RFTN1: variants seen among roughly 807,000 people sequenced by gnomAD.
RFTN1 encodes the protein raftlin.
RFTN1 carries 26 observed loss-of-function variants against 46.5 expected under a neutral mutation model. The ratio of observed to expected loss-of-function variants is 0.56; its 90% confidence interval spans 0.41 to 0.78. The LOEUF is 0.78. Ranked by LOEUF, RFTN1 falls within the 30% of genes least tolerant of loss-of-function variation. The pLI, the probability that RFTN1 is intolerant of heterozygous loss-of-function variation, is 0.00. For synonymous variants in RFTN1, 261 were observed against 284.2 expected, an observed-to-expected ratio of 0.92 and a Z score of 0.82; for missense variants, 693 against 718.7, an observed-to-expected ratio of 0.96 and a Z score of 0.41.
intron 6 of RFTN1, among the ~76,000 whole-genome samples, chr3:16,359,032 CA>C (rs771185605): frequency 0.024 from 2,118 of 89,472 alleles, 29 homozygotes; most frequent in African/African-American, 0.082. Context: ...ATTCTGTCTC[CA>C]AAAAAAAAAA....
rs200423398 is a variant in RFTN1, at chr3:16,426,659, T to TTGTG, written c.332+7191_332+7192insCACA. Among the ~76,000 whole-genome samples the TTGTG allele has an allele frequency of 1.6e-3, 104 of 63,660 alleles. 1 individual carries two copies. In the East Asian group the frequency reaches 0.034, roughly 21 times the overall value. The allele number at this position is 63,660 out of a possible 152,430, so 41.8% of individuals were successfully genotyped here. On this transcript the variant is annotated intron_variant, in intron 3 of 9. Coordinates refer to ENST00000334133, the MANE Select transcript of RFTN1 (RefSeq NM_015150.2). The surrounding 1 kb of genome is among the most constrained non-coding windows in gnomAD (Gnocchi z 5.9). ...CACTGTTATTTTGGCAATGAAAGGA[T>TTGTG]CGTGTGTGTGTGTGTGTGTGTGTGT... is the stretch of plus-strand genomic sequence containing the variant.
At chr3:16,333,727 A>G (rs1477571468) in intron 7 of RFTN1, among the ~76,000 whole-genome samples, 3 of 152,012 alleles carry the variant, frequency 2.0e-5, no homozygotes, top group South Asian at 2.1e-4. Context: ...CATATTACAG[A>G]AAAAAAAGGG....
chr3:16,474,771 T>C lies in RFTN1; in HGVS notation c.145+18954A>G, dbSNP rs1180295108. Among the ~76,000 whole-genome samples the C allele has an allele frequency of 6.6e-6, 1 of 152,198 alleles. No homozygotes were observed. Among genetic ancestry groups the C allele is most frequent in the Non-Finnish European group, 1.5e-5 (1 of 68,030 alleles). ...AGCCCAACATTCCCCATGGAGCCAG[T>C]TGGGAGATGACATCTTGACAAGTTG... On this transcript the variant is annotated intron_variant, in intron 2 of 9. Transcript: ENST00000334133. This position sits in a 1 kb window ranked among gnomAD's most constrained non-coding sequence, Gnocchi z 5.5.
In RFTN1 at chr3:16,387,695, A is replaced by G. The variant is rs1030023485; in HGVS notation, c.442-9593T>C. ...AAAAGAGGAAAGAATCCAACCAACA[A>G]TAGAAGTAAGCAAGCCTCGTCCACC... On this transcript the variant is annotated intron_variant, in intron 4 of 9. Coordinates refer to ENST00000334133, the MANE Select transcript of RFTN1 (RefSeq NM_015150.2). This position sits in a 1 kb window ranked among gnomAD's most constrained non-coding sequence, Gnocchi z 5.2. 1.3e-5 allele frequency among the ~76,000 whole-genome samples: 2 copies of G among 151,720 alleles called. No homozygotes were observed. Among genetic ancestry groups the G allele is most frequent in the Non-Finnish European group, 2.9e-5 (2 of 67,942 alleles).
At position 16,327,824 on chromosome 3, in the gene RFTN1, G is replaced by C. The variant is rs867077334; in HGVS notation, c.1147-948C>G. Among the ~76,000 whole-genome samples, 1 of 151,846 alleles carries C rather than the reference G, an allele frequency of 6.6e-6. No homozygotes were observed. The highest frequency in any genetic ancestry group is 2.1e-4 in the South Asian group (1 of 4,818). On this transcript the variant is annotated intron_variant, in intron 7 of 9. Transcript: ENST00000334133. The surrounding 1 kb of genome is among the most constrained non-coding windows in gnomAD (Gnocchi z 4.2). ...GCTAGCACAGGGAGAGAGCCCTGAT[G>C]TGAGGCCCCTGCACTGGCTTCCACC...
rs1345583625 is a variant in RFTN1, at chr3:16,448,917, C to A, written c.146-14880G>T. Among the ~76,000 whole-genome samples, 3 of 152,252 alleles carry A rather than the reference C, an allele frequency of 2.0e-5. No homozygotes were observed. The East Asian group carries it at 5.8e-4, about 29-fold the overall frequency. The stretch of plus-strand genomic sequence containing the variant: ...GCAGAAATATCAATAGACAGTAGGC[C>A]CTCCAGTTGGTTGTGTTGAGTCCCT... On this transcript the variant is annotated intron_variant, in intron 2 of 9. Coordinates refer to ENST00000334133, the MANE Select transcript of RFTN1 (RefSeq NM_015150.2). The surrounding 1 kb of genome is among the most constrained non-coding windows in gnomAD (Gnocchi z 4.1).
chr3:16,379,666 C>T (rs560747046), intron 4 of RFTN1, among the ~76,000 whole-genome samples: 67 of 152,088 alleles, frequency 4.4e-4, no homozygotes, highest in Non-Finnish European at 7.9e-4. Flanking sequence ...TCCACTCATA[C>T]GCCCCGAGTT....
At chr3:16,505,078 C>A (rs935958109) in intron 1 of RFTN1, among the ~76,000 whole-genome samples, 3 of 152,202 alleles carry the variant, frequency 2.0e-5, no homozygotes, top group Admixed American at 1.3e-4. Flanking sequence ...CAGCTACCAA[C>A]GCTTTCCTGG....
chr3:16,434,120 C>T, intron 2 of RFTN1, 83 bp from the exon 3 acceptor site: 5 of 1,199,590 alleles, frequency 4.2e-6, no homozygotes, highest in Middle Eastern at 2.9e-4. Context: ...CCCTTGCCCT[C>T]GGGGAGGATC....
Position 16,316,374 on chromosome 3 carries a change from A to C in RFTN1, c.*454T>G. The stretch of plus-strand genomic sequence containing the variant: ...GGAGGGCAGCTGACAGGGCTCCTGG[A>C]GTTGTTAAGTCACCAAGTAGCTGCA... On this transcript the variant is annotated 3_prime_UTR_variant, in exon 10 of 10. Coordinates refer to ENST00000334133, the MANE Select transcript of RFTN1 (RefSeq NM_015150.2). This position sits in a 1 kb window ranked among gnomAD's most constrained non-coding sequence, Gnocchi z 4.5. 1 of 193,470 alleles carries C rather than the reference A, an allele frequency of 5.2e-6. No individual in the cohort carries two copies. Among genetic ancestry groups the C allele is most frequent in the Non-Finnish European group, 1.0e-5 (1 of 95,972 alleles). The allele number at this position is 193,470 out of a possible 1,614,324, so 12.0% of individuals were successfully genotyped here.
In RFTN1 at chr3:16,324,612, G is replaced by GCCC. The variant is rs1270315325; in HGVS notation, c.1251-1156_1251-1155insGGG. 1.3e-3 allele frequency among the ~76,000 whole-genome samples: 92 copies of GCCC among 71,044 alleles called. 1 individual carries two copies. The highest frequency in any genetic ancestry group is 8.8e-3 in the Middle Eastern group (1 of 114). 46.6% of individuals were successfully genotyped at this position (71,044 alleles called of 152,430 possible). A position where few individuals can be genotyped will look rare whatever the true frequency, so the allele number is the denominator to read the frequency against. On this transcript the variant is annotated intron_variant, in intron 8 of 9. Coordinates refer to ENST00000334133, the MANE Select transcript of RFTN1 (RefSeq NM_015150.2). ...TTGTAATAAATAACAGAATGTCCCT[G>GCCC]ACCCCCCCCCTTTTAAGGTTGCATA...
Position 16,466,807 on chromosome 3 carries a change from C to A in RFTN1, c.145+26918G>T, listed in dbSNP as rs761340080. 3.3e-5 allele frequency among the ~76,000 whole-genome samples: 5 copies of A among 152,276 alleles called. No individual in the cohort carries two copies. The highest frequency in any genetic ancestry group is 2.1e-4 in the South Asian group (1 of 4,822). On this transcript the variant is annotated intron_variant, in intron 2 of 9. Transcript: ENST00000334133. The surrounding 1 kb of genome is among the most constrained non-coding windows in gnomAD (Gnocchi z 5.6). ...AGACACACATACACAGACACACATA[C>A]GCTTCTCATAGCTGAAAACATGGAA... is the stretch of plus-strand genomic sequence containing the variant.
chr3:16,453,652 G>GA (rs1052446163), intron 2 of RFTN1, among the ~76,000 whole-genome samples: 5 of 152,044 alleles, frequency 3.3e-5, no homozygotes, highest in South Asian at 2.1e-4. Flanking sequence ...ATTGTAATTG[G>GA]AAAAAAATAA....
rs138825531 is a variant in RFTN1 at position 16,474,646 on chromosome 3, C to T, written c.145+19079G>A. ...CTCCCCTCCAATGCAATTTTTAAAC[C>T]ACTGATTCACCATGCAATGCAGTGT... On this transcript the variant is annotated intron_variant, in intron 2 of 9. Transcript: ENST00000334133. The surrounding 1 kb of genome is among the most constrained non-coding windows in gnomAD (Gnocchi z 5.5). 1.4e-3 allele frequency among the ~76,000 whole-genome samples: 209 copies of T among 152,114 alleles called. 1 individual carries two copies. Among genetic ancestry groups the T allele is most frequent in the African/African-American group, 4.8e-3 (199 of 41,500 alleles).
At chr3:16,472,162 C>T (rs1308726590) in intron 2 of RFTN1, 1 of 150,438 alleles carries the variant, frequency 6.6e-6, no homozygotes, top group African/African-American at 2.4e-5. Context: ...GAGGAAAAGT[C>T]ACATTTCTTT....
chr3:16,407,394 T>C lies in RFTN1; in HGVS notation c.441+1981A>G, dbSNP rs1486757200. 6.6e-6 allele frequency among the ~76,000 whole-genome samples: 1 copy of C among 151,994 alleles called. No individual in the cohort carries two copies. Among genetic ancestry groups the C allele is most frequent in the Admixed American group, 6.6e-5 (1 of 15,260 alleles). ...TTTGGCAGAGATGGAGGTCTCACTATGTTGCCCAGTCTAATCTCAAACTCC... is the reference window on the plus strand; with the variant it reads ...TTTGGCAGAGATGGAGGTCTCACTACGTTGCCCAGTCTAATCTCAAACTCC... On this transcript the variant is annotated intron_variant, in intron 4 of 9. Transcript: ENST00000334133. This position sits in a 1 kb window ranked among gnomAD's most constrained non-coding sequence, Gnocchi z 4.0.
rs930072635 is a variant in RFTN1, at chr3:16,356,525, G to A, written c.1146+1407C>T. Among the ~76,000 whole-genome samples the A allele has an allele frequency of 1.3e-5, 2 of 152,204 alleles. No individual in the cohort carries two copies. The highest frequency in any genetic ancestry group is 4.8e-5 in the African/African-American group (2 of 41,454). ...AACAGCCTTGCTCCTCACTTCACGT[G>A]TGCTGGGAACTGCTGCAGCTTCAAA... On this transcript the variant is annotated intron_variant, in intron 7 of 9. Transcript: ENST00000334133. This position sits in a 1 kb window ranked among gnomAD's most constrained non-coding sequence, Gnocchi z 4.9.
rs2075597956 is a variant in RFTN1, at chr3:16,440,347, G to A, written c.146-6310C>T. On this transcript the variant is annotated intron_variant, in intron 2 of 9. Coordinates refer to ENST00000334133, the MANE Select transcript of RFTN1 (RefSeq NM_015150.2). The surrounding 1 kb of genome is among the most constrained non-coding windows in gnomAD (Gnocchi z 4.6). ...AGCCCCCTGAGTAGCTGGGACTACA[G>A]GTGTGCACCAACATGCTCAGCTAAT... Among the ~76,000 whole-genome samples the A allele has an allele frequency of 1.3e-5, 2 of 152,196 alleles. No individual in the cohort carries two copies. The highest frequency in any genetic ancestry group is 4.1e-4 in the South Asian group (2 of 4,830).
chr3:16,433,173 G>T lies in RFTN1; in HGVS notation c.332+678C>A, dbSNP rs1004755670. ...CTGCTCTCTCCATCCCATCCTCACTGTTTTTTTTTTTTAAAAAAATTAATA... is the reference window on the plus strand; with the variant it reads ...CTGCTCTCTCCATCCCATCCTCACTTTTTTTTTTTTTTAAAAAAATTAATA... On this transcript the variant is annotated intron_variant, in intron 3 of 9. Coordinates refer to ENST00000334133, the MANE Select transcript of RFTN1 (RefSeq NM_015150.2). The surrounding 1 kb of genome is among the most constrained non-coding windows in gnomAD (Gnocchi z 4.4). Among the ~76,000 whole-genome samples the T allele has an allele frequency of 3.7e-4, 36 of 96,380 alleles. No individual in the cohort carries two copies. In the East Asian group the frequency reaches 1.0e-2, roughly 27 times the overall value. 63.2% of individuals were successfully genotyped at this position (96,380 alleles called of 152,430 possible). A position where few individuals can be genotyped will look rare whatever the true frequency, so the allele number is the denominator to read the frequency against.
Sources: gnomAD v4.1 joint callset for allele counts (sites outside exome capture counted in the v4.1 genomes callset) on GRCh38, gnomAD v4.1.1 for gene constraint, Gnocchi (gnomAD v3.1) non-coding constraint, MANE v1.5 for transcripts, NCBI Gene and HGNC (gene_info 2026-07-23, HGNC 2026-07-21) for gene names.